TAB3: variants seen among roughly 807,000 people sequenced by gnomAD.
TAB3 encodes the protein TGF-beta activated kinase 1 (MAP3K7) binding protein 3, also known as TGF-beta-activated kinase 1 and MAP3K7-binding protein 3.
A neutral mutation model predicts 48.1 loss-of-function variants in TAB3; 18 were observed. The observed-to-expected ratio is 0.37, with a 90% CI of 0.26 to 0.55. The LOEUF (loss-of-function observed/expected upper bound fraction) is 0.55. TAB3 is among the 20% of genes least tolerant of loss of function. TAB3 has a pLI of 0.78. For missense variants in TAB3, 414 were observed against 549.8 expected (o/e 0.75, Z 2.47); for synonymous variants, 185 against 190.2 (o/e 0.97, Z 0.22).
At chrX:30,834,005 G>C (rs747884438) in intron 10 of TAB3, 46 bp downstream of exon 10, 1 of 1,084,416 alleles carries the variant, frequency 9.2e-7, no homozygotes, top group African/African-American at 1.8e-5. Flanking sequence ...GGATTAACAT[G>C]TGTCTTTGGA....
Position 30,830,191 on chromosome X carries a change from A to G in TAB3, c.*1236T>C, listed in dbSNP as rs754480123. The G allele has an allele frequency of 8.9e-6, 1 of 111,966 alleles. No individual in the cohort carries two copies. The highest frequency in any genetic ancestry group is 3.8e-4 in the South Asian group (1 of 2,658). 9.2% of individuals were successfully genotyped at this position (111,966 alleles called of 1,213,427 possible). A position where few individuals can be genotyped will look rare whatever the true frequency, so the allele number is the denominator to read the frequency against. On this transcript the variant is annotated 3_prime_UTR_variant, in exon 11 of 11. Coordinates refer to ENST00000288422, the MANE Select transcript of TAB3 (RefSeq NM_152787.5). ...GTAGAGACTCAATTGACCTCTAGAT[A>G]CAGTTATGTTAAATTTTAAAAGTTG...
chrX:30,851,897 T>C (rs1490018625), intron 7 of TAB3, among the ~76,000 whole-genome samples: 1 of 112,265 alleles, frequency 8.9e-6, no homozygotes, highest in Non-Finnish European at 1.9e-5. Context: ...AGCAGAGAAG[T>C]GCAATGAATC....
rs1939010610 is a variant in TAB3 at position 30,854,969 on chromosome X, A to G, written c.696T>C (p.Ile232=). The change falls in exon 6 of 11, where the codon ATT becomes ATC. Residue 232 remains isoleucine (I), a synonymous_variant. Transcript: ENST00000288422. ...CTGATGAACTCTGAGATGTCTGTCT[A>G]ATATAAATAGAACCAGGAGACCCAT... ...NLYGSPGSIY[I]RQTSQSSSGR... 8.3e-7 allele frequency: 1 copy of G among 1,209,467 alleles called. No individual in the cohort carries two copies. Among genetic ancestry groups the G allele is most frequent in the Non-Finnish European group, 1.1e-6 (1 of 894,108 alleles).
At position 30,831,158 on chromosome X, in the gene TAB3, C is replaced by A. The variant is rs769033894; in HGVS notation, c.*269G>T. ...TCCACCACAGAAGAGCTCTTGACTTCTGTGTGTACATTCTTTCACAGAGTG... is the reference window on the plus strand; with the variant it reads ...TCCACCACAGAAGAGCTCTTGACTTATGTGTGTACATTCTTTCACAGAGTG... On this transcript the variant is annotated 3_prime_UTR_variant, in exon 11 of 11. Transcript: ENST00000288422. 12 of 271,775 alleles carry A rather than the reference C, an allele frequency of 4.4e-5. No homozygotes were observed. Among genetic ancestry groups the A allele is most frequent in the East Asian group, 3.9e-4 (7 of 17,935 alleles). 22.4% of individuals were successfully genotyped at this position (271,775 alleles called of 1,213,427 possible).
intron 1 of TAB3, among the ~76,000 whole-genome samples, chrX:30,877,473 A>G (rs1379593325): frequency 8.9e-6 from 1 of 112,380 alleles, no homozygotes; most frequent in African/African-American, 3.2e-5. Flanking sequence ...ACAGAAAATT[A>G]AATTACAGGA....
chrX:30,848,044 T>C (rs1042745848), intron 7 of TAB3, among the ~76,000 whole-genome samples: 1 of 112,135 alleles, frequency 8.9e-6, no homozygotes, highest in African/African-American at 3.2e-5. Context: ...TTAAAGATAA[T>C]GTAAGGGCTC....
chrX:30,839,782 G>A (rs1938355075), intron 9 of TAB3, among the ~76,000 whole-genome samples: 1 of 108,687 alleles, frequency 9.2e-6, no homozygotes, highest in African/African-American at 3.3e-5. Flanking sequence ...TTCTCAAAGA[G>A]TTTAAGATTG....
chrX:30,884,322 G>A (rs1940072304), intron 1 of TAB3, among the ~76,000 whole-genome samples: 1 of 111,997 alleles, frequency 8.9e-6, no homozygotes, highest in African/African-American at 3.2e-5. Context: ...TGCTAGGCAT[G>A]TTTTAAATAT....
At chrX:30,845,729 T>C (rs763968793) in intron 8 of TAB3, 33 of 138,812 alleles carry the variant, frequency 2.4e-4, no homozygotes, top group Non-Finnish European at 4.6e-4. Flanking sequence ...TTTTCAGTTG[T>C]TTTCACCCAT....
chrX:30,859,361 C>CACAA, intron 5 of TAB3, 126 bp downstream of exon 5: 1 of 242,142 alleles, frequency 4.1e-6, no homozygotes, highest in Non-Finnish European at 6.8e-6. Flanking sequence ...AATCCTGCTC[C>CACAA]ACACACACAC....
At chrX:30,878,696 C>T (rs1041668548) in intron 1 of TAB3, among the ~76,000 whole-genome samples, 1 of 110,929 alleles carries the variant, frequency 9.0e-6, no homozygotes, top group Non-Finnish European at 1.9e-5. Flanking sequence ...AAAAACTGAC[C>T]ACATGCTAAG....
rs1268901601 is a variant in TAB3 at position 30,867,474 on chromosome X, G to A, written c.-204C>T. 1.8e-5 allele frequency: 2 copies of A among 111,641 alleles called. No individual in the cohort carries two copies. The highest frequency in any genetic ancestry group is 6.5e-5 in the African/African-American group (2 of 30,710). 9.2% of individuals were successfully genotyped at this position (111,641 alleles called of 1,213,427 possible). A position where few individuals can be genotyped will look rare whatever the true frequency, so the allele number is the denominator to read the frequency against. On this transcript the variant is annotated 5_prime_UTR_variant, in exon 3 of 11. Transcript: ENST00000288422. Reference sequence around the variant, plus strand: ...TTAGAAAAAAAAATACCTCAAGATGGTTTATCAACCCTGGCACAGAAATTT... The same window carrying A: ...TTAGAAAAAAAAATACCTCAAGATGATTTATCAACCCTGGCACAGAAATTT...
intron 1 of TAB3, among the ~76,000 whole-genome samples, chrX:30,873,276 G>A (rs1455236068): frequency 1.8e-5 from 2 of 111,164 alleles, no homozygotes; most frequent in Non-Finnish European, 3.8e-5. Context: ...GGTGGCTCAC[G>A]CCTGTAATCC....
chrX:30,888,466 C>CA (rs777983614), intron 1 of TAB3, among the ~76,000 whole-genome samples: 1 of 112,569 alleles, frequency 8.9e-6, no homozygotes, highest in South Asian at 3.7e-4. Flanking sequence ...ACCTGTCCCT[C>CA]ACCCTTCAAA....
chrX:30,854,691 G>T lies in TAB3; in HGVS notation c.974C>A (p.Pro325His). Residue 325 changes from proline to histidine, a missense_variant, in exon 6 of 11, where the codon CCT becomes CAT. Transcript: ENST00000288422. ...ATATGGATGGGGTGGAGTAGTTGAAGGACTAGGTGGCATAAAGATGTGGCC... is the reference window on the plus strand; with the variant it reads ...ATATGGATGGGGTGGAGTAGTTGAATGACTAGGTGGCATAAAGATGTGGCC... ...QLGHIFMPPS[P>H]STTPPHPYQQ... 8.3e-7 allele frequency: 1 copy of T among 1,211,587 alleles called. No individual in the cohort carries two copies. Among genetic ancestry groups the T allele is most frequent in the Non-Finnish European group, 1.1e-6 (1 of 895,432 alleles).
chrX:30,855,894 A>G (rs1393272900), intron 5 of TAB3, among the ~76,000 whole-genome samples: 5 of 112,040 alleles, frequency 4.5e-5, no homozygotes, highest in Non-Finnish European at 9.4e-5. Flanking sequence ...CATCTCAACA[A>G]ATTAAAATGT....
Position 30,870,799 on chromosome X carries a change from CTA to C in TAB3, c.-280+898_-280+899del, listed in dbSNP as rs1569223690. 2.7e-5 allele frequency among the ~76,000 whole-genome samples: 3 copies of C among 111,794 alleles called. No individual in the cohort carries two copies. The Admixed American group carries it at 2.9e-4, about 11-fold the overall frequency. ...TGACAGGCAGAGTCCAGAGATGCTG[CTA>C]AACATCCTACACTGCACAGGACAGC... On this transcript the variant is annotated intron_variant, in intron 2 of 10. Transcript: ENST00000288422.
intron 1 of TAB3, among the ~76,000 whole-genome samples, chrX:30,886,005 G>T (rs766705264): frequency 1.8e-5 from 2 of 111,958 alleles, no homozygotes; most frequent in South Asian, 7.4e-4. Context: ...AGGATGGAAA[G>T]TAGAGAAATT....
At chrX:30,868,566 CT>C (rs1939557741) in intron 2 of TAB3, among the ~76,000 whole-genome samples, 2 of 1,214 alleles carry the variant, frequency 1.6e-3, no homozygotes, top group South Asian at 0.08. Context: ...ATATATATAG[CT>C]TATATATATA....
Sources: gnomAD v4.1 joint callset for allele counts (sites outside exome capture counted in the v4.1 genomes callset) on GRCh38, gnomAD v4.1.1 for gene constraint, MANE v1.5 for transcripts, NCBI Gene and HGNC (gene_info 2026-07-23, HGNC 2026-07-21) for gene names.